The following DIP2A variants were observed in gnomAD, a reference collection of about 807,000 sequenced individuals.
DIP2A encodes the protein DIP2 acetate--CoA ligase A.
In DIP2A, 85 loss-of-function variants were observed where a neutral mutation model predicts 177.4. The observed-to-expected ratio is 0.48, with a 90% CI of 0.40 to 0.57. The LOEUF (loss-of-function observed/expected upper bound fraction) is 0.57. DIP2A is among the 20% of genes least tolerant of loss of function. The probability of loss-of-function intolerance (pLI) is 0.00; values close to 1 mark genes in which losing one functional copy is unlikely to be tolerated. For synonymous variants in DIP2A, 886 were observed against 881.8 expected (o/e 1.00, Z -0.08); for missense variants, 1,791 against 2,100.2 (o/e 0.85, Z 2.88).
At chr21:46,472,824 T>C (rs533633929) in intron 1 of DIP2A, among the ~76,000 whole-genome samples, 1 of 152,162 alleles carries the variant, frequency 6.6e-6, no homozygotes, top group African/African-American at 2.4e-5. Flanking sequence ...ATGTGTGAGG[T>C]GACCAAGAGT....
chr21:46,545,124 T>C lies in DIP2A; in HGVS notation c.2177-13T>C, dbSNP rs1157686848. ...ACGTTCTTGATAATTTTGAGTTTTT[T>C]TTCTCATTTTAGCTAATGTATGTGT... On this transcript the variant is annotated splice_polypyrimidine_tract_variant and intron_variant, in intron 18 of 37. Coordinates refer to ENST00000417564, the MANE Select transcript of DIP2A (RefSeq NM_015151.4). 1.9e-6 allele frequency: 3 copies of C among 1,569,824 alleles called. No homozygotes were observed. In the Admixed American group the frequency reaches 5.4e-5, roughly 28 times the overall value.
chr21:46,554,594 G>A lies in DIP2A; in HGVS notation c.3174G>A (p.Ala1058=), dbSNP rs565560674. Residue 1058 remains alanine, a synonymous_variant, in exon 27 of 38, where the codon GCG becomes GCA. Transcript: ENST00000417564. The part of the protein sequence containing the change: ...VYPPGVDLIA[A]FYGCLYCGCV... ...CCACAGGGGTGGACCTCATTGCCGC[G>A]TTCTATGGCTGCTTGTACTGTGGCT... The A allele has an allele frequency of 1.2e-5, 19 of 1,611,790 alleles. No homozygotes were observed. Among genetic ancestry groups the A allele is most frequent in the Middle Eastern group, 1.7e-4 (1 of 6,056 alleles).
chr21:46,558,229 G>C lies in DIP2A; in HGVS notation c.3805G>C (p.Gly1269Arg). 6.2e-7 allele frequency: 1 copy of C among 1,610,934 alleles called. No individual in the cohort carries two copies. Among genetic ancestry groups the C allele is most frequent in the Admixed American group, 1.7e-5 (1 of 59,932 alleles). The change falls in exon 32 of 38, where the codon GGG becomes CGG. Residue 1269 changes from glycine to arginine, a missense_variant. By Grantham distance (125) the Gly-to-Arg change is moderately radical. Coordinates refer to ENST00000417564, the MANE Select transcript of DIP2A (RefSeq NM_015151.4). ...CCGCTCACCCCTCCCGCAGATGAAG[G>C]GGGTGAACCTGTCATGTGTGCGCAC... ...GAQTGVLRMK[G>R]VNLSCVRTCM... is the part of the protein sequence containing the mutation.
At chr21:46,490,818 C>G (rs2056971599) in intron 3 of DIP2A, 99 bp downstream of exon 3, 1 of 1,380,080 alleles carries the variant, frequency 7.2e-7, no homozygotes, top group Non-Finnish European at 9.6e-7. Flanking sequence ...GCCACAATAT[C>G]TGCCAAAGAA....
Position 46,550,722 on chromosome 21 carries a change from C to T in DIP2A, c.2817C>T (p.Pro939=), listed in dbSNP as rs745515370. 8.7e-6 allele frequency: 14 copies of T among 1,613,912 alleles called. No individual in the cohort carries two copies. In the African/African-American group the frequency reaches 1.7e-4, roughly 20 times the overall value. Residue 939 remains proline (P), a synonymous_variant, in exon 23 of 38, where the codon CCC becomes CCT. Coordinates refer to ENST00000417564, the MANE Select transcript of DIP2A (RefSeq NM_015151.4). ...CTCACACCTGTGTTACCAACCTCCC[C>T]AAACCTCGTCAGAAACAACCAGGTT... ...MCPHTCVTNL[P]KPRQKQPEVG...
chr21:46,571,340 TA>T (rs1569130954), downstream of DIP2A, among the ~76,000 whole-genome samples: 1 of 152,152 alleles, frequency 6.6e-6, no homozygotes, highest in Non-Finnish European at 1.5e-5. Context: ...TGCTGCTCAA[TA>T]AGATTATCAG....
At chr21:46,495,269 TC>T (rs1191891451) in intron 3 of DIP2A, among the ~76,000 whole-genome samples, 1 of 148,416 alleles carries the variant, frequency 6.7e-6, no homozygotes, top group African/African-American at 2.5e-5. Context: ...TCTCTCTCTC[TC>T]TCTCTCTCTG....
At chr21:46,507,337 A>G (rs978169107) in intron 6 of DIP2A, among the ~76,000 whole-genome samples, 18 of 152,190 alleles carry the variant, frequency 1.2e-4, no homozygotes, top group African/African-American at 4.3e-4. Context: ...AGAATTTTAT[A>G]GTTTTAGTTT....
chr21:46,492,662 C>A (rs1052342062), intron 3 of DIP2A, among the ~76,000 whole-genome samples: 1 of 152,046 alleles, frequency 6.6e-6, no homozygotes, highest in African/African-American at 2.4e-5. Flanking sequence ...GGATCGGTGC[C>A]CTTATAAGAA....
Position 46,557,138 on chromosome 21 carries a change from C to G in DIP2A, c.3629+69C>G. On this transcript the variant is annotated intron_variant, in intron 30 of 37. Coordinates refer to ENST00000417564, the MANE Select transcript of DIP2A (RefSeq NM_015151.4). This position sits in a 1 kb window ranked among gnomAD's most constrained non-coding sequence, Gnocchi z 6.0. ...TGTGGCTCTTAGGAACCTTGGCCTT[C>G]TAAGGCACCTTTTCTGGGTGCTCAG... 2 of 1,495,112 alleles carry G rather than the reference C, an allele frequency of 1.3e-6. No homozygotes were observed. Among genetic ancestry groups the G allele is most frequent in the Non-Finnish European group, 1.8e-6 (2 of 1,113,734 alleles). The allele number at this position is 1,495,112 out of a possible 1,614,324, so 92.6% of individuals were successfully genotyped here.
At chr21:46,550,141 A>T in intron 22 of DIP2A, 1 of 968,484 alleles carries the variant, frequency 1.0e-6, no homozygotes, top group Non-Finnish European at 1.4e-6. Context: ...TTCTGATGAG[A>T]ACATTTGAAA....
chr21:46,528,682 A>C (rs1201941245), intron 8 of DIP2A, among the ~76,000 whole-genome samples: 1 of 149,776 alleles, frequency 6.7e-6, no homozygotes, highest in Non-Finnish European at 1.5e-5. Context: ...ACACACCACC[A>C]CACTGAGCTA....
chr21:46,554,019 C>T lies in DIP2A; in HGVS notation c.3031-150C>T, dbSNP rs531784978. On this transcript the variant is annotated intron_variant, in intron 25 of 37. Transcript: ENST00000417564. ...TCTCTACCAAAAAAAAGACACCAGC[C>T]GTACGTCTAGGACTGACACATTGTC... is the stretch of plus-strand genomic sequence containing the variant. 1.1e-3 allele frequency: 1,235 copies of T among 1,076,286 alleles called. 1 individual carries two copies. The highest frequency in any genetic ancestry group is 1.6e-3 in the South Asian group (91 of 55,516). 66.7% of individuals were successfully genotyped at this position (1,076,286 alleles called of 1,614,324 possible).
At position 46,546,930 on chromosome 21, in the gene DIP2A, A is replaced by T. The variant is rs201130788; in HGVS notation, c.2410A>T (p.Ile804Phe). 13 of 1,613,854 alleles carry T rather than the reference A, an allele frequency of 8.1e-6. No individual in the cohort carries two copies. The highest frequency in any genetic ancestry group is 1.3e-5 in the African/African-American group (1 of 75,038). The change falls in exon 21 of 38, where the codon ATC (isoleucine) becomes TTC (phenylalanine). Residue 804 changes from isoleucine to phenylalanine, a missense_variant. By Grantham distance (21) the Ile-to-Phe change is conservative. Transcript: ENST00000417564. ...GFIGPDNLVF[I>F]VGKLDGLMVT... ...TTTCCCTCAGGACAACCTGGTCTTCATCGTGGGCAAACTGGACGGGCTGAT... is the reference window on the plus strand; with the variant it reads ...TTTCCCTCAGGACAACCTGGTCTTCTTCGTGGGCAAACTGGACGGGCTGAT...
chr21:46,468,154 T>C (rs1420526137), intron 1 of DIP2A, among the ~76,000 whole-genome samples: 2 of 150,910 alleles, frequency 1.3e-5, no homozygotes, highest in East Asian at 3.9e-4. Context: ...TAATCCCAGC[T>C]ACTCGGGAGA....
rs542435065 is a variant in DIP2A, at chr21:46,504,925, A to G, written c.784+436A>G. On this transcript the variant is annotated intron_variant, in intron 6 of 37. Transcript: ENST00000417564. ...TTCAGCAGACTGTGAAATCGGTGCAACAGCAATCATGGTTTCCCATGTGCA... is the reference window on the plus strand; with the variant it reads ...TTCAGCAGACTGTGAAATCGGTGCAGCAGCAATCATGGTTTCCCATGTGCA... Among the ~76,000 whole-genome samples, 227 of 152,346 alleles carry G rather than the reference A, an allele frequency of 1.5e-3. 1 individual carries two copies. Among genetic ancestry groups the G allele is most frequent in the African/African-American group, 5.2e-3 (215 of 41,568 alleles).
chr21:46,491,770 C>G (rs1322308707), intron 3 of DIP2A, among the ~76,000 whole-genome samples: 1 of 152,102 alleles, frequency 6.6e-6, no homozygotes. Flanking sequence ...TCTACATGTC[C>G]CAGCTCTTCT....
At chr21:46,572,500 T>C (rs182531764), downstream of DIP2A, among the ~76,000 whole-genome samples, 74 of 152,066 alleles carry the variant, frequency 4.9e-4, no homozygotes, top group Non-Finnish European at 9.1e-4. Context: ...CCTTAAGAGG[T>C]GATTGGATTA....
At chr21:46,505,596 G>A (rs1430084430) in intron 6 of DIP2A, among the ~76,000 whole-genome samples, 1 of 152,162 alleles carries the variant, frequency 6.6e-6, no homozygotes, top group African/African-American at 2.4e-5. Flanking sequence ...GCGATAGAGT[G>A]AGACTCCTTT....
Sources: gnomAD v4.1 joint callset for allele counts (sites outside exome capture counted in the v4.1 genomes callset) on GRCh38, gnomAD v4.1.1 for gene constraint, Gnocchi (gnomAD v3.1) non-coding constraint, MANE v1.5 for transcripts, NCBI Gene and HGNC (gene_info 2026-07-23, HGNC 2026-07-21) for gene names.